Variants in CASR observed in about 807,000 individuals in gnomAD.
CASR encodes the protein calcium sensing receptor.
Under a neutral mutation model 69.1 loss-of-function variants are expected in CASR, and 23 were observed. The ratio of observed to expected loss-of-function variants is 0.33; its 90% CI spans 0.24 to 0.47. The LOEUF is 0.47. Ranked by LOEUF, CASR falls within the 20% of genes least tolerant of loss-of-function variation. The pLI, the probability that CASR is intolerant of heterozygous loss-of-function variation, is 1.00. For synonymous variants in CASR, 541 were observed against 544.7 expected (o/e 0.99, Z 0.10); for missense variants, 924 against 1,356.1 (o/e 0.68, Z 5.00).
chr3:122,208,007 G>GTGT (rs2074025514), intron 1 of CASR, among the ~76,000 whole-genome samples: 1 of 151,956 alleles, frequency 6.6e-6, no homozygotes, highest in East Asian at 1.9e-4. Context: ...ATAACAAAAT[G>GTGT]TGTTATTATT....
rs557185174 is a variant in CASR, at chr3:122,287,286, T to C, written c.*2095T>C. The C allele has an allele frequency of 6.6e-6, 1 of 152,348 alleles. No individual in the cohort carries two copies. The highest frequency in any genetic ancestry group is 2.1e-4 in the South Asian group (1 of 4,828). 9.4% of individuals were successfully genotyped at this position (152,348 alleles called of 1,614,324 possible). On this transcript the variant is annotated 3_prime_UTR_variant, in exon 7 of 7. Coordinates refer to ENST00000639785, the MANE Select transcript of CASR (RefSeq NM_000388.4). ...GAAAACATAGGTTTACAGTGAGCTT[T>C]TATTTCACCAAGTGCTTGCAAATAA...
chr3:122,282,446 T>C lies in CASR; in HGVS notation c.1732+210T>C, dbSNP rs796166535. On this transcript the variant is annotated intron_variant, in intron 6 of 6. Coordinates refer to ENST00000639785, the MANE Select transcript of CASR (RefSeq NM_000388.4). ...CTTTTAATACCATAAAAGATAACAATACCTATTACACATCTTTCTCTTACT... is the reference window on the plus strand; with the variant it reads ...CTTTTAATACCATAAAAGATAACAACACCTATTACACATCTTTCTCTTACT... 2.0e-5 allele frequency among the ~76,000 whole-genome samples: 3 copies of C among 152,252 alleles called. No homozygotes were observed. The South Asian group carries it at 6.2e-4, about 31-fold the overall frequency.
At chr3:122,282,309 G>A in intron 6 of CASR, 73 bp downstream of exon 6, 3 of 1,453,530 alleles carry the variant, frequency 2.1e-6, no homozygotes, top group Non-Finnish European at 2.9e-6. Context: ...GAAGCCCATG[G>A]AAGGGCTGGG....
intron 1 of CASR, among the ~76,000 whole-genome samples, chr3:122,225,581 T>TG (rs1186135481): frequency 1.4e-5 from 2 of 144,272 alleles, no homozygotes; most frequent in African/African-American, 5.1e-5. Context: ...AAACAGATGT[T>TG]GGGGAGTTTG....
intron 1 of CASR, among the ~76,000 whole-genome samples, chr3:122,212,744 C>G (rs1439034975): frequency 6.6e-6 from 1 of 151,672 alleles, no homozygotes. Flanking sequence ...CAAGTTCAAG[C>G]AATTCTCCTG....
chr3:122,192,397 C>G (rs2073848274), intron 1 of CASR, among the ~76,000 whole-genome samples: 1 of 152,168 alleles, frequency 6.6e-6, no homozygotes, highest in Admixed American at 6.5e-5. Context: ...CTTCAAAGCT[C>G]TAAACAACTA....
intron 5 of CASR, among the ~76,000 whole-genome samples, chr3:122,280,363 A>G (rs1013302204): frequency 6.6e-6 from 1 of 152,214 alleles, no homozygotes; most frequent in Non-Finnish European, 1.5e-5. Flanking sequence ...CAGGGCAATC[A>G]GGCAAGAGAA....
rs190572314 is a variant in CASR, at chr3:122,202,186, G to C, written c.-243+18374G>C. Among the ~76,000 whole-genome samples, 317 of 152,360 alleles carry C rather than the reference G, an allele frequency of 2.1e-3. 1 individual carries two copies. Among genetic ancestry groups the C allele is most frequent in the African/African-American group, 7.1e-3 (295 of 41,584 alleles). On this transcript the variant is annotated intron_variant, in intron 1 of 6. Coordinates refer to ENST00000639785, the MANE Select transcript of CASR (RefSeq NM_000388.4). The stretch of plus-strand genomic sequence containing the variant: ...AATCCCGGCACCTCGGGAGGCCAAG[G>C]CTGGCAGATCACTCGCAGCTAGGAG...
chr3:122,185,969 T>TG (rs2073777510), intron 1 of CASR, among the ~76,000 whole-genome samples: 1 of 111,166 alleles, frequency 9.0e-6, no homozygotes, highest in Non-Finnish European at 1.9e-5. Flanking sequence ...AGACCACACA[T>TG]GCGAGTTACT....
intron 1 of CASR, among the ~76,000 whole-genome samples, chr3:122,227,625 C>T (rs2074237409): frequency 6.6e-6 from 1 of 152,224 alleles, no homozygotes; most frequent in African/African-American, 2.4e-5. Flanking sequence ...GGGGCTCCCA[C>T]AGCGCAGCAG....
intron 1 of CASR, among the ~76,000 whole-genome samples, chr3:122,228,162 A>G (rs371781643): frequency 1.3e-5 from 2 of 152,178 alleles, no homozygotes; most frequent in East Asian, 3.8e-4. Flanking sequence ...CCTGACTCTC[A>G]GGTAGTTTTG....
At chr3:122,210,975 C>T (rs2074059762) in intron 1 of CASR, among the ~76,000 whole-genome samples, 1 of 152,118 alleles carries the variant, frequency 6.6e-6, no homozygotes, top group Non-Finnish European at 1.5e-5. Context: ...GTGACAAGAA[C>T]AAGCAATGGG....
Position 122,284,409 on chromosome 3 carries a change from A to G in CASR, c.2455A>G (p.Ile819Val). ...CATGCTCATCTTCTTCATCGTCTGG[A>G]TCTCCTTCATTCCAGCCTATGCCAG... is the stretch of plus-strand genomic sequence containing the variant. ...FSMLIFFIVWISFIPAYASTY... is the reference protein window; with the variant it reads ...FSMLIFFIVWVSFIPAYASTY... Residue 819 changes from isoleucine to valine, a missense_variant, in exon 7 of 7, where the codon ATC becomes GTC. By Grantham distance (29) the Ile-to-Val change is conservative (BLOSUM62 3). Around this residue, in one of 8 missense-constraint regions of CASR, gnomAD observed 184 missense variants for 278.8 expected, o/e 0.66. Transcript: ENST00000639785. 1 of 1,613,760 alleles carries G rather than the reference A, an allele frequency of 6.2e-7. No homozygotes were observed. The highest frequency in any genetic ancestry group is 8.5e-7 in the Non-Finnish European group (1 of 1,179,960).
At chr3:122,259,532 A>C (rs1419732164) in intron 3 of CASR, among the ~76,000 whole-genome samples, 3 of 151,958 alleles carry the variant, frequency 2.0e-5, no homozygotes, top group African/African-American at 7.2e-5. Flanking sequence ...AGTCATACTT[A>C]CTTTTTAGTC....
intron 3 of CASR, among the ~76,000 whole-genome samples, chr3:122,259,546 T>C (rs1254040367): frequency 2.0e-5 from 3 of 149,428 alleles, no homozygotes; most frequent in African/African-American, 7.3e-5. Context: ...TTTAGTCAAG[T>C]TGGCCTAATT....
At chr3:122,185,158 C>T (rs1467510907) in intron 1 of CASR, among the ~76,000 whole-genome samples, 1 of 152,204 alleles carries the variant, frequency 6.6e-6, no homozygotes, top group African/African-American at 2.4e-5. Context: ...AGATAACATG[C>T]ATATGTTTCT....
intron 1 of CASR, among the ~76,000 whole-genome samples, chr3:122,232,932 A>G (rs559113146): frequency 2.0e-5 from 3 of 152,288 alleles, no homozygotes; most frequent in East Asian, 1.9e-4. Context: ...CTCTGTGACC[A>G]TGATAAAGAC....
intron 3 of CASR, among the ~76,000 whole-genome samples, chr3:122,259,075 A>G (rs2074589377): frequency 6.6e-6 from 1 of 152,116 alleles, no homozygotes; most frequent in Non-Finnish European, 1.5e-5. Flanking sequence ...CTTACAATAA[A>G]AAAAAGTTTT....
At chr3:122,203,202 T>G (rs7619425) in intron 1 of CASR, among the ~76,000 whole-genome samples, 2,761 of 152,326 alleles carry the variant, frequency 0.018, 79 homozygotes, top group African/African-American at 0.063. Context: ...CCTATTGAGA[T>G]TTTTTATTAG....
Sources: gnomAD v4.1 joint callset for allele counts (sites outside exome capture counted in the v4.1 genomes callset) on GRCh38, gnomAD v4.1.1 for gene constraint, gnomAD v4.1.1 regional missense constraint, MANE v1.5 for transcripts, NCBI Gene and HGNC (gene_info 2026-07-23, HGNC 2026-07-21) for gene names.